Variants in ROBO1 observed in about 807,000 individuals in gnomAD.
ROBO1 encodes roundabout guidance receptor 1.
ROBO1 carries 149 observed loss-of-function variants against 195.9 expected under a neutral mutation model. That is an observed-to-expected ratio of 0.76 (90% CI 0.67 to 0.87). ROBO1 has a LOEUF of 0.87. Among genes scored for constraint, ROBO1 ranks in the 40% least tolerant of loss-of-function variants. ROBO1 has a pLI of 0.00. For synonymous variants in ROBO1, 816 were observed against 733.2 expected, an observed-to-expected ratio of 1.11 and a Z score of -1.82; for missense variants, 1,933 against 2,068.3, an observed-to-expected ratio of 0.93 and a Z score of 1.27.
chr3:79,473,922 A>C (rs946378335), intron 2 of ROBO1, among the ~76,000 whole-genome samples: 7 of 152,146 alleles, frequency 4.6e-5, no homozygotes, highest in Non-Finnish European at 8.8e-5. Flanking sequence ...GAGAGCAAAA[A>C]ATTATGTCTA....
chr3:79,166,938 C>T (rs1475408760), intron 2 of ROBO1, among the ~76,000 whole-genome samples: 1 of 152,078 alleles, frequency 6.6e-6, no homozygotes, highest in African/African-American at 2.4e-5. Flanking sequence ...CCAAAGACAT[C>T]TTCTTAGGCT....
At chr3:79,746,344 CTG>C (rs1477179522) in intron 1 of ROBO1, among the ~76,000 whole-genome samples, 1 of 151,958 alleles carries the variant, frequency 6.6e-6, no homozygotes, top group Non-Finnish European at 1.5e-5. Context: ...TTTAAGATGA[CTG>C]AGAGATATGA....
chr3:79,182,077 T>G (rs2081351539), intron 2 of ROBO1, among the ~76,000 whole-genome samples: 1 of 152,148 alleles, frequency 6.6e-6, no homozygotes. Context: ...ATTAATTTTT[T>G]GTTTGTATTT....
intron 14 of ROBO1, among the ~76,000 whole-genome samples, chr3:78,663,500 G>A (rs1003813227): frequency 2.0e-5 from 3 of 151,998 alleles, no homozygotes; most frequent in Admixed American, 1.3e-4. Flanking sequence ...TTGCTCCTAC[G>A]ACTCAAGCTG....
rs1380825300 is a variant in ROBO1, at chr3:78,657,178, C to T, written c.2534G>A (p.Gly845Glu). The T allele has an allele frequency of 2.5e-6, 4 of 1,613,122 alleles. No individual in the cohort carries two copies. The highest frequency in any genetic ancestry group is 3.4e-6 in the Non-Finnish European group (4 of 1,179,614). ...FSVVIPFLVP[G>E]IRYSVEVAAS... ...TGCCACTTCCACACTGTATCGGATT[C>T]CAGGAACAAGAAAGGGAATGACCAC... Residue 845 changes from glycine to glutamate, a missense_variant, in exon 18 of 31, where the codon GGA becomes GAA. Transcript: ENST00000464233.
chr3:79,261,570 C>G (rs1028372430), intron 2 of ROBO1, among the ~76,000 whole-genome samples: 1 of 151,770 alleles, frequency 6.6e-6, no homozygotes, highest in African/African-American at 2.4e-5. Flanking sequence ...ATTTTTAAGG[C>G]TATCTTCTTA....
At chr3:78,765,651 G>C (rs985750506) in intron 4 of ROBO1, among the ~76,000 whole-genome samples, 8 of 152,074 alleles carry the variant, frequency 5.3e-5, no homozygotes, top group African/African-American at 9.7e-5. Flanking sequence ...CTAATAAAGT[G>C]GTCATTCAAA....
intron 5 of ROBO1, among the ~76,000 whole-genome samples, chr3:78,742,138 C>T (rs1161587576): frequency 6.6e-6 from 1 of 152,004 alleles, no homozygotes; most frequent in Non-Finnish European, 1.5e-5. Context: ...TTTAAATTTT[C>T]AACAAAGAAA....
intron 2 of ROBO1, among the ~76,000 whole-genome samples, chr3:79,504,867 C>CTG (rs1382810474): frequency 1.3e-5 from 2 of 151,388 alleles, no homozygotes; most frequent in African/African-American, 4.8e-5. Context: ...CTATGTGTGT[C>CTG]TGTGTGTGTG....
At chr3:78,659,335 GAAAAT>G (rs1363021547) in intron 17 of ROBO1, among the ~76,000 whole-genome samples, 3 of 151,952 alleles carry the variant, frequency 2.0e-5, no homozygotes, top group Non-Finnish European at 2.9e-5. Context: ...AAAATCTTTT[GAAAAT>G]AAAATAAACT....
intron 2 of ROBO1, among the ~76,000 whole-genome samples, chr3:79,255,065 T>C (rs1283264373): frequency 6.6e-6 from 1 of 152,186 alleles, no homozygotes; most frequent in Non-Finnish European, 1.5e-5. Context: ...TGCTGGGTAA[T>C]ACCATCATCC....
intron 2 of ROBO1, among the ~76,000 whole-genome samples, chr3:79,557,085 C>T (rs1476681705): frequency 1.3e-5 from 2 of 149,228 alleles, no homozygotes; most frequent in African/African-American, 2.5e-5. Flanking sequence ...TGATATGTTT[C>T]CCATACATTT....
intron 2 of ROBO1, among the ~76,000 whole-genome samples, chr3:79,159,568 A>G (rs955190644): frequency 6.6e-6 from 1 of 151,988 alleles, no homozygotes; most frequent in African/African-American, 2.4e-5. Flanking sequence ...GAGAGCAACC[A>G]TTTGATGTTT....
At chr3:79,606,958 C>T (rs1944505312) in intron 1 of ROBO1, among the ~76,000 whole-genome samples, 2 of 151,858 alleles carry the variant, frequency 1.3e-5, no homozygotes, top group South Asian at 4.2e-4. Context: ...TACAGTAAGT[C>T]CCCGCTATTA....
chr3:79,221,183 A>G (rs963595204), intron 2 of ROBO1, among the ~76,000 whole-genome samples: 16 of 152,208 alleles, frequency 1.1e-4, no homozygotes, highest in African/African-American at 3.8e-4. Flanking sequence ...AGCAAATAGT[A>G]ATGTCCTACA....
At chr3:79,663,063 G>A (rs1210394479) in intron 1 of ROBO1, among the ~76,000 whole-genome samples, 2 of 152,042 alleles carry the variant, frequency 1.3e-5, no homozygotes, top group Non-Finnish European at 2.9e-5. Flanking sequence ...GCTAATAAGT[G>A]AAGTTATTTT....
intron 3 of ROBO1, among the ~76,000 whole-genome samples, chr3:78,996,300 CACTGAA>C (rs923020136): frequency 2.0e-5 from 3 of 146,742 alleles, no homozygotes; most frequent in Non-Finnish European, 4.5e-5. Flanking sequence ...CTGGCCAACA[CACTGAA>C]ACCCATCTCT....
intron 2 of ROBO1, among the ~76,000 whole-genome samples, chr3:79,449,748 A>G (rs1320039341): frequency 2.0e-5 from 3 of 152,300 alleles, no homozygotes; most frequent in Non-Finnish European, 4.4e-5. Flanking sequence ...TTTATCCTAT[A>G]AGCTATGGTT....
At chr3:79,423,223 A>T (rs1396163671) in intron 2 of ROBO1, among the ~76,000 whole-genome samples, 1 of 152,158 alleles carries the variant, frequency 6.6e-6, no homozygotes, top group Non-Finnish European at 1.5e-5. Flanking sequence ...TAGTCTGAAA[A>T]TAGATGAGAT....
Sources: allele counts gnomAD v4.1 joint callset (sites outside exome capture counted in the v4.1 genomes callset), GRCh38; gene constraint gnomAD v4.1.1; transcripts MANE v1.5; gene names NCBI Gene and HGNC (gene_info 2026-07-23, HGNC 2026-07-21).